The following SPRY4 variants were observed in gnomAD, a reference collection of about 807,000 sequenced individuals.
The protein encoded by SPRY4 is sprouty RTK signaling antagonist 4, also known as protein sprouty homolog 4.
A neutral mutation model predicts 17.0 loss-of-function variants in SPRY4; 7 were observed. The observed-to-expected ratio is 0.41, with a 90% CI of 0.23 to 0.77. SPRY4 has a LOEUF of 0.77. Among genes scored for constraint, SPRY4 ranks in the 30% least tolerant of loss-of-function variants. SPRY4 has a pLI of 0.32. For synonymous variants in SPRY4, 183 were observed against 174.1 expected (o/e 1.05, Z -0.40); for missense variants, 435 against 419.9 (o/e 1.04, Z -0.31).
rs988623314 is a variant in SPRY4 at position 142,312,319 on chromosome 5, G to A, written c.*1890C>T. On this transcript the variant is annotated 3_prime_UTR_variant, in exon 2 of 2. Coordinates refer to ENST00000434127, the MANE Select transcript of SPRY4 (RefSeq NM_001127496.3). Reference sequence around the variant, plus strand: ...ACACGAATCAGCCTTGGAAAATGCAGATGCAATATTTCACATTCGCCTTTT... The same window carrying A: ...ACACGAATCAGCCTTGGAAAATGCAAATGCAATATTTCACATTCGCCTTTT... 2 of 152,600 alleles carry A rather than the reference G, an allele frequency of 1.3e-5. No homozygotes were observed. Among genetic ancestry groups the A allele is most frequent in the African/African-American group, 4.8e-5 (2 of 41,426 alleles). 9.5% of individuals were successfully genotyped at this position (152,600 alleles called of 1,614,324 possible).
At chr5:142,318,979 C>G (rs1182907607) in intron 1 of SPRY4, among the ~76,000 whole-genome samples, 1 of 152,132 alleles carries the variant, frequency 6.6e-6, no homozygotes, top group African/African-American at 2.4e-5. Context: ...CACCATACTT[C>G]AAGAGAGAAC....
intron 1 of SPRY4, among the ~76,000 whole-genome samples, chr5:142,321,637 C>A (rs1011711013): frequency 6.6e-6 from 1 of 152,190 alleles, no homozygotes; most frequent in African/African-American, 2.4e-5. Context: ...GGCGAGAATC[C>A]TTAGCCAGGT....
intron 1 of SPRY4, among the ~76,000 whole-genome samples, chr5:142,322,483 A>AATATATATAT (rs751790052): frequency 3.4e-5 from 4 of 117,528 alleles, no homozygotes; most frequent in African/African-American, 1.1e-4. Flanking sequence ...AAAAAAAAAA[A>AATATATATAT]ATATATATAT....
intron 1 of SPRY4, among the ~76,000 whole-genome samples, chr5:142,318,353 G>A (rs1242511179): frequency 6.6e-6 from 1 of 151,948 alleles, no homozygotes; most frequent in African/African-American, 2.4e-5. Flanking sequence ...AGGCATGGTG[G>A]CAGGTGCCTG....
chr5:142,322,211 G>T (rs1759365797), intron 1 of SPRY4, among the ~76,000 whole-genome samples: 1 of 152,156 alleles, frequency 6.6e-6, no homozygotes, highest in African/African-American at 2.4e-5. Flanking sequence ...GGGCGTGGTG[G>T]CTCACGCCTG....
Position 142,314,906 on chromosome 5 carries a change from C to G in SPRY4, c.203G>C (p.Arg68Pro). The G allele has an allele frequency of 6.2e-7, 1 of 1,608,484 alleles. No individual in the cohort carries two copies. The highest frequency in any genetic ancestry group is 8.5e-7 in the Non-Finnish European group (1 of 1,175,836). ...CGGGGCCAGCTCTGGGGCCCCGCCC[C>G]GGGTCCGCTTTGGGCCGGTGGTCAG... ...LALTTGPKRTRGGAPELAPTP... is the reference protein window; with the variant it reads ...LALTTGPKRTPGGAPELAPTP... The change falls in exon 2 of 2, where the codon CGG becomes CCG. Residue 68 changes from arginine to proline, a missense_variant. Arg to Pro is a moderately radical substitution (Grantham distance 103). Transcript: ENST00000434127. The surrounding 1 kb of genome is among the most constrained non-coding windows in gnomAD (Gnocchi z 4.8).
At chr5:142,322,472 G>GA (rs560148371) in intron 1 of SPRY4, among the ~76,000 whole-genome samples, 9,683 of 135,212 alleles carry the variant, frequency 0.072, 496 homozygotes, top group Admixed American at 0.14. Context: ...CTCGTCTCAA[G>GA]AAAAAAAAAA....
At position 142,310,893 on chromosome 5, in the gene SPRY4, C is replaced by G. The variant is rs1045187891; in HGVS notation, c.*3316G>C. Reference sequence around the variant, plus strand: ...TCGCAGGATGCCCTAGTGAATCGTACAGTGTAGAGCTGTGCTGCCCACGCC... The same window carrying G: ...TCGCAGGATGCCCTAGTGAATCGTAGAGTGTAGAGCTGTGCTGCCCACGCC... On this transcript the variant is annotated 3_prime_UTR_variant, in exon 2 of 2. Coordinates refer to ENST00000434127, the MANE Select transcript of SPRY4 (RefSeq NM_001127496.3). 6.6e-6 allele frequency: 1 copy of G among 152,140 alleles called. No homozygotes were observed. The highest frequency in any genetic ancestry group is 1.5e-5 in the Non-Finnish European group (1 of 68,036). The allele number at this position is 152,140 out of a possible 1,614,324, so 9.4% of individuals were successfully genotyped here.
At chr5:142,323,198 C>T (rs1759408190) in intron 1 of SPRY4, among the ~76,000 whole-genome samples, 3 of 152,176 alleles carry the variant, frequency 2.0e-5, no homozygotes, top group Non-Finnish European at 4.4e-5. Flanking sequence ...ACCCGCAGTT[C>T]CCAACTTCTC....
At chr5:142,316,340 C>G (rs1198387211) in intron 1 of SPRY4, among the ~76,000 whole-genome samples, 3 of 152,118 alleles carry the variant, frequency 2.0e-5, no homozygotes, top group African/African-American at 7.2e-5. Context: ...ACATTGTTTT[C>G]TATTAGAAGT....
chr5:142,322,471 A>G (rs886226635), intron 1 of SPRY4, among the ~76,000 whole-genome samples: 1 of 114,522 alleles, frequency 8.7e-6, no homozygotes, highest in African/African-American at 2.9e-5. Context: ...ACTCGTCTCA[A>G]GAAAAAAAAA....
At chr5:142,321,321 C>T (rs894108855) in intron 1 of SPRY4, among the ~76,000 whole-genome samples, 7 of 152,228 alleles carry the variant, frequency 4.6e-5, no homozygotes, top group Non-Finnish European at 8.8e-5. Flanking sequence ...ATTTTCTCTA[C>T]TGTGCAGATG....
chr5:142,316,866 T>C (rs917269248), intron 1 of SPRY4, among the ~76,000 whole-genome samples: 2 of 152,250 alleles, frequency 1.3e-5, no homozygotes, highest in African/African-American at 4.8e-5. Flanking sequence ...ATATTTCCCA[T>C]TCACGCAGGG....
In SPRY4 at chr5:142,314,751, C is replaced by T. The variant is rs746468484; in HGVS notation, c.358G>A (p.Val120Met). ...RLLDHMAPPP[V>M]ADQASPRAVR... Reference sequence around the variant, plus strand: ...GCCCTTGGTGAGGCCTGGTCAGCCACGGGTGGTGGTGCCATGTGGTCTAAG... The same window carrying T: ...GCCCTTGGTGAGGCCTGGTCAGCCATGGGTGGTGGTGCCATGTGGTCTAAG... The change falls in exon 2 of 2, where the codon GTG (valine) becomes ATG (methionine). Residue 120 changes from valine (V) to methionine (M), a missense_variant. By Grantham distance (21) the Val-to-Met change is conservative (BLOSUM62 1). Coordinates refer to ENST00000434127, the MANE Select transcript of SPRY4 (RefSeq NM_001127496.3). This position sits in a 1 kb window ranked among gnomAD's most constrained non-coding sequence, Gnocchi z 4.8. The T allele has an allele frequency of 4.5e-5, 72 of 1,605,184 alleles. 1 individual carries two copies. In the South Asian group the frequency reaches 6.9e-4, roughly 15 times the overall value.
chr5:142,314,457 A>G lies in SPRY4; in HGVS notation c.652T>C (p.Ser218Pro). 1 of 1,614,158 alleles carries G rather than the reference A, an allele frequency of 6.2e-7. No homozygotes were observed. The highest frequency in any genetic ancestry group is 8.5e-7 in the Non-Finnish European group (1 of 1,180,014). The change falls in exon 2 of 2, where the codon TCC becomes CCC. Residue 218 changes from serine to proline, a missense_variant. By Grantham distance (74) the Ser-to-Pro change is moderately conservative. Coordinates refer to ENST00000434127, the MANE Select transcript of SPRY4 (RefSeq NM_001127496.3). The surrounding 1 kb of genome is among the most constrained non-coding windows in gnomAD (Gnocchi z 4.8). ...CAGGAGCAGGGGTGGTCAGCGCAGG[A>G]GCCCTCATCGTCCTCATTCGTGCAG... The part of the protein sequence containing the change: ...YHCTNEDDEG[S>P]CADHPCSCSR...
At chr5:142,317,934 G>T (rs1561651633) in intron 1 of SPRY4, 2 of 985,314 alleles carry the variant, frequency 2.0e-6, no homozygotes, top group Non-Finnish European at 2.4e-6. Flanking sequence ...TGCAGCATCC[G>T]ATGGCTCCAC....
intron 1 of SPRY4, chr5:142,324,157 C>T (rs1561655836): frequency 6.6e-6 from 1 of 152,348 alleles, no homozygotes; most frequent in African/African-American, 2.4e-5. Flanking sequence ...AAAAAGTCAA[C>T]TGCAAGGCAG....
intron 1 of SPRY4, 44 bp from the exon 2 acceptor site, chr5:142,315,199 C>CCACATACTGATGCCTGGA: frequency 2.3e-6 from 3 of 1,322,698 alleles, no homozygotes; most frequent in Non-Finnish European, 2.1e-6. Context: ...GGATTCCAGG[C>CCACATACTGATGCCTGGA]ATCAGTATGT....
intron 1 of SPRY4, 139 bp downstream of exon 1, chr5:142,324,705 C>T (rs1005698369): frequency 2.0e-5 from 3 of 152,710 alleles, no homozygotes; most frequent in Admixed American, 2.0e-4. Context: ...ACCGCAGCGA[C>T]TCAAGGAGGC....
Sources: allele counts gnomAD v4.1 joint callset (sites outside exome capture counted in the v4.1 genomes callset), GRCh38; gene constraint gnomAD v4.1.1; non-coding constraint Gnocchi (gnomAD v3.1); transcripts MANE v1.5; gene names NCBI Gene and HGNC (gene_info 2026-07-23, HGNC 2026-07-21).